Variants in HHAT observed in about 807,000 individuals in gnomAD.
The protein encoded by HHAT is protein-cysteine N-palmitoyltransferase HHAT.
A neutral mutation model predicts 70.8 loss-of-function variants in HHAT; 47 were observed. The ratio of observed to expected loss-of-function variants is 0.66; its 90% CI spans 0.53 to 0.85. HHAT has a LOEUF of 0.85. Among genes scored for constraint, HHAT ranks in the 40% least tolerant of loss-of-function variants. The pLI is 0.00. For synonymous variants in HHAT, 228 were observed against 247.6 expected (o/e 0.92, Z 0.74); for missense variants, 609 against 604.8 (o/e 1.01, Z -0.07).
chr1:210,532,193 T>C (rs931384576), intron 9 of HHAT, among the ~76,000 whole-genome samples: 2 of 152,224 alleles, frequency 1.3e-5, no homozygotes, highest in African/African-American at 4.8e-5. Flanking sequence ...ATTTTGGAAA[T>C]GGAAATAGAT....
intron 11 of HHAT, among the ~76,000 whole-genome samples, chr1:210,668,031 A>G (rs1460071896): frequency 6.6e-6 from 1 of 152,030 alleles, no homozygotes; most frequent in Non-Finnish European, 1.5e-5. Context: ...TGTGAATTTG[A>G]TTACTCTACA....
Position 210,674,739 on chromosome 1 carries a change from T to C in HHAT, c.*360T>C, listed in dbSNP as rs750529697. ...ATAGAATGTAGTGGAAATTTATTGATTGAGACACAGAAATCCTGATTAGTG... is the reference window on the plus strand; with the variant it reads ...ATAGAATGTAGTGGAAATTTATTGACTGAGACACAGAAATCCTGATTAGTG... On this transcript the variant is annotated 3_prime_UTR_variant, in exon 12 of 12. Transcript: ENST00000261458. 5 of 184,170 alleles carry C rather than the reference T, an allele frequency of 2.7e-5. No individual in the cohort carries two copies. The highest frequency in any genetic ancestry group is 1.4e-4 in the East Asian group (1 of 6,958). The allele number at this position is 184,170 out of a possible 1,614,324, so 11.4% of individuals were successfully genotyped here. A position where few individuals can be genotyped will look rare whatever the true frequency, so the allele number is the denominator to read the frequency against.
intron 11 of HHAT, among the ~76,000 whole-genome samples, chr1:210,630,360 A>G (rs547201683): frequency 1.3e-5 from 2 of 152,310 alleles, no homozygotes; most frequent in South Asian, 2.1e-4. Flanking sequence ...GGCAATTGCT[A>G]TGGTGCAGAA....
chr1:210,450,899 G>A (rs1025915195), intron 7 of HHAT, among the ~76,000 whole-genome samples: 7 of 151,836 alleles, frequency 4.6e-5, no homozygotes, highest in Non-Finnish European at 7.4e-5. Flanking sequence ...TGGCTAACAC[G>A]GTGAAACCCC....
intron 3 of HHAT, among the ~76,000 whole-genome samples, chr1:210,363,956 A>G (rs1229047487): frequency 6.6e-6 from 1 of 152,108 alleles, no homozygotes; most frequent in African/African-American, 2.4e-5. Context: ...ATATTTTTCT[A>G]TTGAAAGTTG....
At chr1:210,497,805 G>A in intron 8 of HHAT, among the ~76,000 whole-genome samples, 1 of 146,662 alleles carries the variant, frequency 6.8e-6, no homozygotes, top group East Asian at 2.0e-4. Context: ...TGGCTCTGTT[G>A]CCCAGGCTGG....
intron 9 of HHAT, among the ~76,000 whole-genome samples, chr1:210,574,998 G>A (rs1657314837): frequency 6.6e-6 from 1 of 152,198 alleles, no homozygotes; most frequent in African/African-American, 2.4e-5. Flanking sequence ...AAACATCCAG[G>A]AGAAACCCAT....
At chr1:210,598,720 A>G (rs1663574852) in intron 10 of HHAT, among the ~76,000 whole-genome samples, 1 of 152,210 alleles carries the variant, frequency 6.6e-6, no homozygotes, top group Non-Finnish European at 1.5e-5. Context: ...TGGCATTGCA[A>G]TTTAAGACTG....
chr1:210,615,598 C>T (rs111675916), intron 10 of HHAT, among the ~76,000 whole-genome samples: 4,138 of 152,266 alleles, frequency 0.027, 79 homozygotes, highest in African/African-American at 0.045. Flanking sequence ...ACGTTGGTGA[C>T]GTACAGATGG....
At chr1:210,477,482 G>A (rs1379140816) in intron 8 of HHAT, among the ~76,000 whole-genome samples, 1 of 152,050 alleles carries the variant, frequency 6.6e-6, no homozygotes, top group Non-Finnish European at 1.5e-5. Context: ...TGTGGATTTT[G>A]GAGGATTGCC....
At chr1:210,346,179 C>G (rs1166936194) in intron 1 of HHAT, among the ~76,000 whole-genome samples, 1 of 152,102 alleles carries the variant, frequency 6.6e-6, no homozygotes, top group Non-Finnish European at 1.5e-5. Flanking sequence ...TAGAATGTCC[C>G]TGAAAAGCAT....
At chr1:210,419,553 G>A (rs2148278959) in intron 7 of HHAT, among the ~76,000 whole-genome samples, 1 of 152,338 alleles carries the variant, frequency 6.6e-6, no homozygotes, top group African/African-American at 2.4e-5. Context: ...CCTCCAGGCA[G>A]ATCAAGCTGT....
At chr1:210,329,299 C>T (rs1246859977) in intron 1 of HHAT, 195 bp downstream of exon 1, 4 of 1,224,316 alleles carry the variant, frequency 3.3e-6, no homozygotes, top group Non-Finnish European at 4.1e-6. Context: ...GCCGCGCGCG[C>T]AGTGCGCCCG....
intron 10 of HHAT, among the ~76,000 whole-genome samples, chr1:210,606,260 T>C (rs560327405): frequency 2.1e-5 from 3 of 145,336 alleles, no homozygotes; most frequent in African/African-American, 8.4e-5. Context: ...AATAACTTCA[T>C]TTTTTTTTGT....
At chr1:210,491,072 T>A (rs2094544898) in intron 8 of HHAT, among the ~76,000 whole-genome samples, 2 of 150,338 alleles carry the variant, frequency 1.3e-5, no homozygotes, top group African/African-American at 4.9e-5. Context: ...ATAGTGTGTG[T>A]GTGTGTGTGT....
chr1:210,623,015 A>T (rs1207371305), intron 10 of HHAT, among the ~76,000 whole-genome samples: 1 of 152,210 alleles, frequency 6.6e-6, no homozygotes, highest in Non-Finnish European at 1.5e-5. Flanking sequence ...CCTCAAAGAA[A>T]CAACTTGGGG....
At chr1:210,341,987 A>C (rs2086080216) in intron 1 of HHAT, among the ~76,000 whole-genome samples, 2 of 151,450 alleles carry the variant, frequency 1.3e-5, no homozygotes. Context: ...CAAAATTCTC[A>C]CTCTTTTCAA....
chr1:210,531,402 A>G (rs974001209), intron 9 of HHAT, among the ~76,000 whole-genome samples: 2 of 152,208 alleles, frequency 1.3e-5, no homozygotes, highest in African/African-American at 4.8e-5. Context: ...TGGGTTTCAG[A>G]TAGTCTCTAA....
chr1:210,377,040 G>A (rs1018072082), intron 3 of HHAT, among the ~76,000 whole-genome samples: 6 of 152,238 alleles, frequency 3.9e-5, no homozygotes, highest in Admixed American at 2.6e-4. Flanking sequence ...TCTTGCATAT[G>A]TGAAGACTTC....
Sources: allele counts gnomAD v4.1 joint callset (sites outside exome capture counted in the v4.1 genomes callset), GRCh38; gene constraint gnomAD v4.1.1; transcripts MANE v1.5; gene names NCBI Gene and HGNC (gene_info 2026-07-23, HGNC 2026-07-21).